The following ULK4 variants were observed in gnomAD, a reference collection of about 807,000 sequenced individuals.
ULK4 encodes unc-51 like kinase 4, also known as inactive serine/threonine-protein kinase ULK4.
A neutral mutation model predicts 160.6 loss-of-function variants in ULK4; 133 were observed. That is an observed-to-expected ratio of 0.83 (90% confidence interval 0.72 to 0.96). The LOEUF (loss-of-function observed/expected upper bound fraction) is 0.96. Ranked by LOEUF, ULK4 falls within the 40% of genes least tolerant of loss-of-function variation. ULK4 has a pLI of 0.00. For missense variants in ULK4, 1,580 were observed against 1,499.5 expected (o/e 1.05, Z -0.89); for synonymous variants, 534 against 539.8 (o/e 0.99, Z 0.15).
intron 19 of ULK4, among the ~76,000 whole-genome samples, chr3:41,803,082 T>A (rs1421692105): frequency 1.3e-5 from 2 of 151,532 alleles, no homozygotes; most frequent in African/African-American, 4.9e-5. Flanking sequence ...GGAGAATTGC[T>A]TGAACCAGGA....
chr3:41,522,186 G>A (rs1048273615), intron 32 of ULK4, among the ~76,000 whole-genome samples: 3 of 149,758 alleles, frequency 2.0e-5, no homozygotes, highest in African/African-American at 7.4e-5. Flanking sequence ...CAGTGCAGTG[G>A]CACAGTCTCA....
At chr3:41,268,610 A>C (rs1390198216) in intron 35 of ULK4, among the ~76,000 whole-genome samples, 1 of 152,118 alleles carries the variant, frequency 6.6e-6, no homozygotes, top group African/African-American at 2.4e-5. Context: ...GTTCGAGACC[A>C]GTCTGGCCAA....
chr3:41,749,956 C>G (rs2038557881), intron 22 of ULK4, among the ~76,000 whole-genome samples: 1 of 152,052 alleles, frequency 6.6e-6, no homozygotes, highest in Non-Finnish European at 1.5e-5. Context: ...ATTCCTGAAG[C>G]TGAGCATGAA....
rs148116584 is a variant in ULK4, at chr3:41,596,122, C to T, written c.3120+19547G>A. On this transcript the variant is annotated intron_variant, in intron 31 of 36. Transcript: ENST00000301831. ...TCGGGGGGATGACAAGAAAGAAAGA[C>T]GGGAGTATGAGTATACTTGCCTGCA... Among the ~76,000 whole-genome samples the T allele has an allele frequency of 4.6e-5, 7 of 152,188 alleles. No individual in the cohort carries two copies. In the East Asian group the frequency reaches 5.8e-4, roughly 13 times the overall value.
At chr3:41,882,709 C>T (rs1697567870) in intron 17 of ULK4, among the ~76,000 whole-genome samples, 1 of 152,206 alleles carries the variant, frequency 6.6e-6, no homozygotes. Context: ...GCAACCAATG[C>T]CTGCTCTGAC....
intron 27 of ULK4, among the ~76,000 whole-genome samples, chr3:41,693,768 G>A (rs114901368): frequency 0.015 from 2,290 of 152,256 alleles, 54 homozygotes; most frequent in African/African-American, 0.05. Context: ...TTTTTCTATA[G>A]TTTTAACTCT....
chr3:41,949,159 A>T (rs985316394), intron 2 of ULK4, among the ~76,000 whole-genome samples: 4 of 151,578 alleles, frequency 2.6e-5, no homozygotes, highest in Non-Finnish European at 5.9e-5. Flanking sequence ...ATACAAAAAA[A>T]TTAGCCAGGC....
At chr3:41,581,552 T>A (rs2030343144) in intron 31 of ULK4, among the ~76,000 whole-genome samples, 1 of 152,168 alleles carries the variant, frequency 6.6e-6, no homozygotes, top group Non-Finnish European at 1.5e-5. Flanking sequence ...TAGACTATTT[T>A]GAAAAAAGTT....
chr3:41,900,896 G>C, intron 12 of ULK4, 67 bp from the exon 13 acceptor site: 1 of 1,147,044 alleles, frequency 8.7e-7, no homozygotes, highest in South Asian at 1.3e-5. Flanking sequence ...CACTGAACCA[G>C]TAAGATGCTG....
chr3:41,455,768 A>G (rs560039204), intron 33 of ULK4, among the ~76,000 whole-genome samples, 173 bp from the exon 34 acceptor site: 12 of 152,356 alleles, frequency 7.9e-5, no homozygotes, highest in African/African-American at 1.9e-4. Context: ...TTGTTATGAC[A>G]TAACAAGGAG....
intron 17 of ULK4, among the ~76,000 whole-genome samples, chr3:41,860,575 AT>A (rs1166184865): frequency 6.6e-6 from 1 of 151,762 alleles, no homozygotes. Flanking sequence ...GGCATGGAAT[AT>A]TTTTTTCCAT....
At chr3:41,286,605 C>T (rs1451905918) in intron 35 of ULK4, among the ~76,000 whole-genome samples, 1 of 152,140 alleles carries the variant, frequency 6.6e-6, no homozygotes, top group Non-Finnish European at 1.5e-5. Flanking sequence ...CCCGCCAGCA[C>T]CCTAAACTGC....
intron 8 of ULK4, chr3:41,913,221 CTTTTTT>C (rs562065017): frequency 1.5e-3 from 147 of 99,806 alleles, no homozygotes; most frequent in South Asian, 4.7e-3. Flanking sequence ...ATTTGAAATT[CTTTTTT>C]TTTTTTTTTT....
chr3:41,957,674 T>C (rs1700529343), intron 1 of ULK4, among the ~76,000 whole-genome samples: 1 of 148,882 alleles, frequency 6.7e-6, no homozygotes, highest in African/African-American at 2.5e-5. Context: ...AACTGCACCA[T>C]GGTACTCCAG....
chr3:41,468,680 C>T (rs2125884161), intron 32 of ULK4, among the ~76,000 whole-genome samples: 1 of 152,268 alleles, frequency 6.6e-6, no homozygotes, highest in East Asian at 1.9e-4. Context: ...CTTATTTTGA[C>T]TATACTACCT....
intron 12 of ULK4, among the ~76,000 whole-genome samples, chr3:41,901,479 C>CATTTTTTTTTTTTTTTTTTTT (rs1698358668): frequency 1.3e-4 from 3 of 22,526 alleles, no homozygotes; most frequent in Admixed American, 1.0e-3. Flanking sequence ...CACGCCCAGC[C>CATTTTTTTTTTTTTTTTTTTT]TTTTTTTTTT....
At chr3:41,406,461 G>T (rs929634954) in intron 34 of ULK4, among the ~76,000 whole-genome samples, 1 of 152,108 alleles carries the variant, frequency 6.6e-6, no homozygotes, top group Non-Finnish European at 1.5e-5. Flanking sequence ...GCTCTTTTTG[G>T]TTCCATACGA....
chr3:41,469,318 C>A (rs2083912027), intron 32 of ULK4, among the ~76,000 whole-genome samples: 1 of 152,132 alleles, frequency 6.6e-6, no homozygotes, highest in South Asian at 2.1e-4. Context: ...CTGATCACAG[C>A]CCCTCCTGCA....
intron 35 of ULK4, among the ~76,000 whole-genome samples, chr3:41,301,585 C>T (rs1309425449): frequency 6.6e-6 from 1 of 152,100 alleles, no homozygotes; most frequent in Non-Finnish European, 1.5e-5. Context: ...GGCTTTCTGG[C>T]GTGCTACGTT....
Sources: allele counts gnomAD v4.1 joint callset (sites outside exome capture counted in the v4.1 genomes callset), GRCh38; gene constraint gnomAD v4.1.1; transcripts MANE v1.5; gene names NCBI Gene and HGNC (gene_info 2026-07-23, HGNC 2026-07-21).